SATL1: variants seen among roughly 807,000 people sequenced by gnomAD.
The protein encoded by SATL1 is spermidine/spermine N1-acetyl transferase like 1.
A neutral mutation model predicts 51.8 loss-of-function variants in SATL1; 47 were observed. The ratio of observed to expected loss-of-function variants is 0.91; its 90% confidence interval spans 0.72 to 1.16. The LOEUF (loss-of-function observed/expected upper bound fraction) is 1.16. Among genes scored for constraint, SATL1 ranks in the 50% most tolerant of loss-of-function variants. SATL1 has a pLI of 0.00. For missense variants in SATL1, 520 were observed against 526.4 expected (o/e 0.99, Z 0.12); for synonymous variants, 176 against 182.4 (o/e 0.97, Z 0.28).
chrX:85,196,228 T>C (rs1489478670), intron 2 of SATL1, among the ~76,000 whole-genome samples: 1 of 111,634 alleles, frequency 9.0e-6, no homozygotes, highest in Non-Finnish European at 1.9e-5. Flanking sequence ...GAAATAAATT[T>C]AACAAAAAAG....
At chrX:85,133,122 C>T (rs1363626292) in intron 2 of SATL1, among the ~76,000 whole-genome samples, 1 of 112,174 alleles carries the variant, frequency 8.9e-6, no homozygotes, top group African/African-American at 3.2e-5. Context: ...CAGGGACCCA[C>T]TTGAGGAGGC....
intron 2 of SATL1, among the ~76,000 whole-genome samples, chrX:85,126,121 G>C (rs1925619999): frequency 9.1e-6 from 1 of 110,478 alleles, no homozygotes; most frequent in Non-Finnish European, 1.9e-5. Flanking sequence ...TACATTTCAG[G>C]CTCTTCCTCC....
chrX:85,221,698 A>G (rs1469486269), intron 2 of SATL1, among the ~76,000 whole-genome samples: 1 of 112,170 alleles, frequency 8.9e-6, no homozygotes, highest in Non-Finnish European at 1.9e-5. Context: ...AAAAACCTCT[A>G]AGTTAGGCTG....
chrX:85,117,947 G>T (rs1925416342), intron 2 of SATL1, among the ~76,000 whole-genome samples: 1 of 110,040 alleles, frequency 9.1e-6, no homozygotes, highest in African/African-American at 3.3e-5. Flanking sequence ...AGCTAAGGGT[G>T]GAGATCAGGG....
intron 2 of SATL1, among the ~76,000 whole-genome samples, chrX:85,200,903 A>G (rs887858775): frequency 1.8e-5 from 2 of 111,007 alleles, no homozygotes; most frequent in African/African-American, 6.5e-5. Flanking sequence ...CTGTCCCTAT[A>G]AAAACTTAAA....
intron 2 of SATL1, among the ~76,000 whole-genome samples, chrX:85,132,544 A>G (rs745906055): frequency 3.1e-4 from 35 of 111,436 alleles, no homozygotes; most frequent in Non-Finnish European, 5.1e-4. Context: ...CTAGTTAGCC[A>G]TTCATCTAAT....
intron 2 of SATL1, among the ~76,000 whole-genome samples, chrX:85,206,541 T>C (rs1173187480): frequency 1.8e-5 from 2 of 111,448 alleles, no homozygotes; most frequent in African/African-American, 6.5e-5. Context: ...TTTGGCAACA[T>C]GGAGGTGGTT....
At chrX:85,127,220 G>T (rs918169011) in intron 2 of SATL1, among the ~76,000 whole-genome samples, 2 of 110,484 alleles carry the variant, frequency 1.8e-5, no homozygotes, top group African/African-American at 6.6e-5. Flanking sequence ...ATCTCTCTGA[G>T]CCTGATCCTC....
intron 2 of SATL1, among the ~76,000 whole-genome samples, chrX:85,132,413 C>T (rs975841973): frequency 4.5e-5 from 5 of 110,750 alleles, no homozygotes; most frequent in East Asian, 2.8e-4. Context: ...CTTCAATCAC[C>T]GGTACCCTTT....
chrX:85,223,144 T>C (rs942550501), intron 2 of SATL1, among the ~76,000 whole-genome samples: 1 of 111,933 alleles, frequency 8.9e-6, no homozygotes, highest in African/African-American at 3.2e-5. Flanking sequence ...TTTCAGCATA[T>C]TGTATATTTA....
intron 7 of SATL1, 153 bp from the exon 8 acceptor site, chrX:85,092,714 G>A: frequency 2.0e-6 from 1 of 505,806 alleles, no homozygotes; most frequent in Non-Finnish European, 3.0e-6. Context: ...TTCTATAGCT[G>A]TAAAAAGAAA....
At chrX:85,166,166 C>T (rs1926829295) in intron 2 of SATL1, among the ~76,000 whole-genome samples, 1 of 111,428 alleles carries the variant, frequency 9.0e-6, no homozygotes, top group Non-Finnish European at 1.9e-5. Context: ...CCCCAAACCA[C>T]AAAAATTCTA....
At chrX:85,129,456 T>A (rs1015009201) in intron 2 of SATL1, among the ~76,000 whole-genome samples, 10 of 111,881 alleles carry the variant, frequency 8.9e-5, no homozygotes, top group African/African-American at 2.6e-4. Flanking sequence ...TTGTCTGTTA[T>A]TGGTGTATAA....
At chrX:85,198,481 C>T (rs1002104466) in intron 2 of SATL1, among the ~76,000 whole-genome samples, 3 of 111,561 alleles carry the variant, frequency 2.7e-5, no homozygotes, top group Non-Finnish European at 5.7e-5. Context: ...TCCATATCTT[C>T]GTCAGCATTT....
intron 2 of SATL1, among the ~76,000 whole-genome samples, chrX:85,131,687 C>G (rs1925806863): frequency 9.0e-6 from 1 of 111,468 alleles, no homozygotes; most frequent in South Asian, 3.8e-4. Context: ...TTGATCCTGT[C>G]ATTATGATGT....
chrX:85,212,373 ATTTAT>A (rs759052899), intron 2 of SATL1, among the ~76,000 whole-genome samples: 140 of 111,992 alleles, frequency 1.3e-3, no homozygotes, highest in African/African-American at 4.2e-3. Context: ...ATTGTACTTC[ATTTAT>A]TTAAGTATCA....
At chrX:85,162,558 A>G (rs1262530560) in intron 2 of SATL1, among the ~76,000 whole-genome samples, 3 of 111,327 alleles carry the variant, frequency 2.7e-5, no homozygotes, top group Non-Finnish European at 5.7e-5. Flanking sequence ...TTCTCTGGCT[A>G]GGACTTTCAA....
intron 2 of SATL1, among the ~76,000 whole-genome samples, chrX:85,124,418 A>G (rs1175634330): frequency 1.8e-5 from 2 of 112,219 alleles, no homozygotes; most frequent in Non-Finnish European, 3.8e-5. Context: ...CCTCATCTTT[A>G]AAATGATGGT....
chrX:85,139,716 C>T (rs762846185), intron 2 of SATL1, among the ~76,000 whole-genome samples: 1 of 111,664 alleles, frequency 9.0e-6, no homozygotes, highest in South Asian at 3.8e-4. Flanking sequence ...TTTCTTATGG[C>T]TCATTATTTA....
Sources: allele counts gnomAD v4.1 joint callset (sites outside exome capture counted in the v4.1 genomes callset), GRCh38; gene constraint gnomAD v4.1.1; transcripts MANE v1.5; gene names NCBI Gene and HGNC (gene_info 2026-07-23, HGNC 2026-07-21).